The following TRABD2A variants were observed in gnomAD, a reference collection of about 807,000 sequenced individuals.
TRABD2A encodes the protein TraB domain containing 2A.
In TRABD2A, 43 loss-of-function variants were observed where a neutral mutation model predicts 45.6. The observed-to-expected ratio is 0.94, with a 90% CI of 0.74 to 1.22. The LOEUF is 1.22. TRABD2A is among the 50% of genes most tolerant of loss of function. TRABD2A has a pLI of 0.00. For missense variants in TRABD2A, 642 were observed against 652.4 expected (o/e 0.98, Z 0.17); for synonymous variants, 269 against 265.0 (o/e 1.02, Z -0.15).
Position 84,848,991 on chromosome 2 carries a change from G to A in TRABD2A, c.670-6984C>T, listed in dbSNP as rs185489668. ...GCAGCCCGAGCTATCCTAGCCATAG[G>A]ATAACATCAATGACTGAGGCAAATC... On this transcript the variant is annotated intron_variant, in intron 2 of 6. Transcript: ENST00000409520. Among the ~76,000 whole-genome samples the A allele has an allele frequency of 4.6e-3, 707 of 152,180 alleles. 7 individuals carry two copies. Among genetic ancestry groups the A allele is most frequent in the African/African-American group, 0.016 (678 of 41,514 alleles).
chr2:84,836,986 G>GTTTTTTTTTTTTTTTTTT (rs57910749), intron 4 of TRABD2A: 1 of 85,994 alleles, frequency 1.2e-5, no homozygotes, highest in Non-Finnish European at 2.1e-5. Context: ...TAATTTTAGG[G>GTTTTTTTTTTTTTTTTTT]TTTTTTTTTT....
At chr2:84,854,437 A>G (rs1682204893) in intron 2 of TRABD2A, among the ~76,000 whole-genome samples, 1 of 152,204 alleles carries the variant, frequency 6.6e-6, no homozygotes, top group South Asian at 2.1e-4. Flanking sequence ...ATTCTTTACT[A>G]CAAACTGACA....
At chr2:84,842,161 C>T (rs1359160512) in intron 2 of TRABD2A, 154 bp from the exon 3 acceptor site, 2 of 777,556 alleles carry the variant, frequency 2.6e-6, no homozygotes, top group Non-Finnish European at 3.7e-6. Context: ...AATCCCTGGA[C>T]AGCATCCAAA....
intron 2 of TRABD2A, among the ~76,000 whole-genome samples, chr2:84,856,035 C>T (rs1682292005): frequency 6.6e-6 from 1 of 152,160 alleles, no homozygotes; most frequent in Non-Finnish European, 1.5e-5. Flanking sequence ...AACAAAGGGC[C>T]TCGCATCTGT....
chr2:84,863,322 G>A (rs2105401841), intron 2 of TRABD2A, among the ~76,000 whole-genome samples: 1 of 138,648 alleles, frequency 7.2e-6, no homozygotes, highest in Non-Finnish European at 1.5e-5. Context: ...TCGGCTCACT[G>A]CAAGCTCCGC....
Position 84,837,940 on chromosome 2 carries a change from C to T in TRABD2A, c.991+1209G>A, listed in dbSNP as rs1267013544. ...AGTTTTTTGGGCAGCCCCTTGTAAG[C>T]TTCAATTAATATTGCTATTTCCAGC... is the stretch of plus-strand genomic sequence containing the variant. On this transcript the variant is annotated intron_variant, in intron 4 of 6. Transcript: ENST00000409520. The T allele has an allele frequency of 8.5e-6, 3 of 354,224 alleles. No homozygotes were observed. In the East Asian group the frequency reaches 1.4e-4, roughly 16 times the overall value. The allele number at this position is 354,224 out of a possible 1,614,324, so 21.9% of individuals were successfully genotyped here.
Position 84,839,267 on chromosome 2 carries a change from C to G in TRABD2A, c.873G>C (p.Glu291Asp), listed in dbSNP as rs1392023358. The part of the protein sequence containing the change: ...LPPQERITAQ[E>D]IDSYLRRELI... Reference sequence around the variant, plus strand: ...GCTCCCGGCGTAAGTAGCTGTCAATCTCCTGAGCAGTGATGCGCTCCTGAG... The same window carrying G: ...GCTCCCGGCGTAAGTAGCTGTCAATGTCCTGAGCAGTGATGCGCTCCTGAG... Residue 291 changes from glutamate to aspartate, a missense_variant, in exon 4 of 7, where the codon GAG (glutamate) becomes GAC (aspartate). By Grantham distance (45) the Glu-to-Asp change is conservative. Transcript: ENST00000409520. The G allele has an allele frequency of 6.2e-7, 1 of 1,613,862 alleles. No individual in the cohort carries two copies. Among genetic ancestry groups the G allele is most frequent in the South Asian group, 1.1e-5 (1 of 91,076 alleles).
chr2:84,856,621 T>C (rs1682316550), intron 2 of TRABD2A, among the ~76,000 whole-genome samples: 1 of 152,164 alleles, frequency 6.6e-6, no homozygotes, highest in Non-Finnish European at 1.5e-5. Context: ...TGACGGTTCC[T>C]GAACACCAGG....
At chr2:84,841,371 G>A (rs1428085250) in intron 3 of TRABD2A, among the ~76,000 whole-genome samples, 1 of 152,218 alleles carries the variant, frequency 6.6e-6, no homozygotes, top group Non-Finnish European at 1.5e-5. Flanking sequence ...CAATACCACA[G>A]GATGCAATGA....
intron 2 of TRABD2A, chr2:84,849,547 A>G (rs1682013377): frequency 1.3e-5 from 2 of 152,182 alleles, no homozygotes; most frequent in Admixed American, 1.3e-4. Context: ...TCTTTTGTAC[A>G]CCAGCTTGTA....
Position 84,822,020 on chromosome 2 carries a change from G to A in TRABD2A, c.1415C>T (p.Ser472Phe), listed in dbSNP as rs371054600. The A allele has an allele frequency of 3.8e-5, 61 of 1,595,586 alleles. No individual in the cohort carries two copies. The African/African-American group carries it at 7.9e-4, about 21-fold the overall frequency. ...TELRLPRRGH[S>F]HHSQMVASSA... is the part of the protein sequence containing the mutation. ...GCTGGCCACCATCTGGCTGTGGTGG[G>A]AATGCCCACGGCGAGGGAGCCGCAG... is the stretch of plus-strand genomic sequence containing the variant. Residue 472 changes from serine to phenylalanine, a missense_variant, in exon 7 of 7, where the codon TCC becomes TTC. Ser to Phe is a radical substitution (Grantham distance 155, BLOSUM62 -2). Transcript: ENST00000409520.
At chr2:84,871,255 C>T (rs1411246973) in intron 1 of TRABD2A, among the ~76,000 whole-genome samples, 1 of 152,176 alleles carries the variant, frequency 6.6e-6, no homozygotes, top group Non-Finnish European at 1.5e-5. Flanking sequence ...TCAGGGGCCT[C>T]CAAGGATATA....
intron 1 of TRABD2A, among the ~76,000 whole-genome samples, chr2:84,871,903 C>T (rs905558331): frequency 3.3e-5 from 5 of 152,200 alleles, no homozygotes; most frequent in African/African-American, 1.2e-4. Context: ...ACGTGGATCA[C>T]ACTTATTTCT....
At chr2:84,828,506 A>T (rs535568515) in intron 5 of TRABD2A, among the ~76,000 whole-genome samples, 1 of 151,900 alleles carries the variant, frequency 6.6e-6, no homozygotes, top group South Asian at 2.1e-4. Flanking sequence ...ATTCTCCCCA[A>T]CCCACTTCCC....
chr2:84,835,429 T>TTA (rs1350713946), intron 4 of TRABD2A: 10 of 151,842 alleles, frequency 6.6e-5, no homozygotes, highest in African/African-American at 2.2e-4. Flanking sequence ...TTTTTTTTTT[T>TTA]AATACAGAGA....
intron 2 of TRABD2A, among the ~76,000 whole-genome samples, chr2:84,863,841 G>A (rs1682588126): frequency 6.6e-6 from 1 of 152,052 alleles, no homozygotes; most frequent in South Asian, 2.1e-4. Context: ...TCGATCTCCT[G>A]ACGAGAAAGG....
intron 1 of TRABD2A, among the ~76,000 whole-genome samples, chr2:84,879,379 G>A (rs565317573): frequency 6.6e-6 from 1 of 151,910 alleles, no homozygotes; most frequent in African/African-American, 2.4e-5. Flanking sequence ...CAAGGGTCTC[G>A]CCATGTTGGC....
At chr2:84,866,367 A>G (rs72836497) in intron 2 of TRABD2A, among the ~76,000 whole-genome samples, 1,637 of 152,322 alleles carry the variant, frequency 0.011, 16 homozygotes, top group Non-Finnish European at 0.016. Context: ...TTAAAAAAGA[A>G]AAAAAATCAT....
At chr2:84,861,204 G>C (rs1682485636) in intron 2 of TRABD2A, among the ~76,000 whole-genome samples, 2 of 152,150 alleles carry the variant, frequency 1.3e-5, no homozygotes, top group Non-Finnish European at 2.9e-5. Flanking sequence ...GGGTGCTGTT[G>C]GGGGAGTGTT....
Sources: gnomAD v4.1 joint callset for allele counts (sites outside exome capture counted in the v4.1 genomes callset) on GRCh38, gnomAD v4.1.1 for gene constraint, MANE v1.5 for transcripts, NCBI Gene and HGNC (gene_info 2026-07-23, HGNC 2026-07-21) for gene names.